THBS2: variants seen among roughly 807,000 people sequenced by gnomAD.
THBS2 encodes thrombospondin-2.
THBS2 carries 47 observed loss-of-function variants against 135.2 expected under a neutral mutation model. The ratio of observed to expected loss-of-function variants is 0.35; its 90% confidence interval spans 0.28 to 0.44. The LOEUF is 0.44. THBS2 is among the 20% of genes least tolerant of loss of function. THBS2 has a pLI of 1.00. For synonymous variants in THBS2, 639 were observed against 633.8 expected, an observed-to-expected ratio of 1.01 and a Z score of -0.12; for missense variants, 1,288 against 1,603.1, an observed-to-expected ratio of 0.80 and a Z score of 3.36.
At chr6:169,243,052 ACCTTCCCAC>A (rs1780410670) in intron 4 of THBS2, among the ~76,000 whole-genome samples, 1 of 38,032 alleles carries the variant, frequency 2.6e-5, no homozygotes. Context: ...CCACCTTCCC[ACCTTCCCAC>A]CACTCCCACC....
chr6:169,252,919 G>A lies in THBS2; in HGVS notation c.-23+805C>T, dbSNP rs1483327780. 2.0e-5 allele frequency among the ~76,000 whole-genome samples: 3 copies of A among 152,170 alleles called. No individual in the cohort carries two copies. The highest frequency in any genetic ancestry group is 4.8e-5 in the African/African-American group (2 of 41,452). On this transcript the variant is annotated intron_variant, in intron 1 of 21. Coordinates refer to ENST00000617924, the MANE Select transcript of THBS2 (RefSeq NM_003247.5). The surrounding 1 kb of genome is among the most constrained non-coding windows in gnomAD (Gnocchi z 4.3). The stretch of plus-strand genomic sequence containing the variant: ...GCAGAGAGCTAATTGTTTACCGGCC[G>A]TCCACCACCAACAGCAGTCTGATTA...
At position 169,250,738 on chromosome 6, in the gene THBS2, G is replaced by T. The variant is rs142358231; in HGVS notation, c.47C>A (p.Thr16Lys). The T allele has an allele frequency of 4.3e-6, 7 of 1,613,362 alleles. No individual in the cohort carries two copies. The East Asian group carries it at 1.3e-4, about 31-fold the overall frequency. Reference protein sequence around the residue: ...VLLALWVWPSTQAGHQDKDTT... With the variant: ...VLLALWVWPSKQAGHQDKDTT... ...CAGGCTCTGAGGACACTCACCTTGC[G>T]TGCTGGGCCACACCCACAGAGCCAG... Residue 16 changes from threonine (T) to lysine (K), a missense_variant, in exon 2 of 22, where the codon ACG becomes AAG. Transcript: ENST00000617924.
intron 4 of THBS2, among the ~76,000 whole-genome samples, chr6:169,245,746 C>G (rs539798108): frequency 6.7e-6 from 1 of 148,888 alleles, no homozygotes; most frequent in East Asian, 2.0e-4. Context: ...GAGCCCAGAT[C>G]GCACCACTGC....
intron 13 of THBS2, 115 bp downstream of exon 13, chr6:169,231,865 A>G: frequency 3.2e-6 from 3 of 951,098 alleles, no homozygotes; most frequent in Non-Finnish European, 4.5e-6. Flanking sequence ...GGCCTGAGAG[A>G]CCCTCCTTCC....
intron 4 of THBS2, among the ~76,000 whole-genome samples, chr6:169,245,338 C>A (rs919317111): frequency 7.2e-5 from 11 of 152,200 alleles, no homozygotes; most frequent in Non-Finnish European, 1.5e-4. Context: ...ATGAACCTGT[C>A]ATAGTGACCT....
At chr6:169,240,791 T>C (rs1780262542) in intron 5 of THBS2, among the ~76,000 whole-genome samples, 199 bp from the exon 6 acceptor site, 1 of 152,166 alleles carries the variant, frequency 6.6e-6, no homozygotes, top group South Asian at 2.1e-4. Context: ...CGTCACTGCC[T>C]GGGCTTCTGG....
intron 19 of THBS2, 57 bp downstream of exon 19, chr6:169,222,140 C>T: frequency 1.3e-6 from 2 of 1,525,992 alleles, no homozygotes; most frequent in Non-Finnish European, 1.8e-6. Context: ...CCTGCTGAAA[C>T]ACTCTGCAGC....
chr6:169,249,088 T>G, intron 2 of THBS2, 115 bp from the exon 3 acceptor site: 3 of 960,946 alleles, frequency 3.1e-6, no homozygotes, highest in Non-Finnish European at 3.0e-6. Context: ...GGCCTCCCAA[T>G]ATCCCGCAGC....
intron 4 of THBS2, among the ~76,000 whole-genome samples, chr6:169,243,260 T>C (rs1165308640): frequency 2.6e-5 from 4 of 151,880 alleles, no homozygotes; most frequent in African/African-American, 9.7e-5. Context: ...TCGTGGGACC[T>C]GGGTGGGTAT....
chr6:169,233,543 C>T (rs1779927473), intron 10 of THBS2, among the ~76,000 whole-genome samples: 2 of 151,426 alleles, frequency 1.3e-5, no homozygotes, highest in South Asian at 4.2e-4. Flanking sequence ...TGCACAACTA[C>T]CTATGCACCA....
In THBS2 at chr6:169,216,679, C is replaced by A. The variant is rs1779183835; in HGVS notation, c.*1143G>T. 1 of 150,690 alleles carries A rather than the reference C, an allele frequency of 6.6e-6. No individual in the cohort carries two copies. The highest frequency in any genetic ancestry group is 6.6e-5 in the Admixed American group (1 of 15,218). The allele number at this position is 150,690 out of a possible 1,614,324, so 9.3% of individuals were successfully genotyped here. A position where few individuals can be genotyped will look rare whatever the true frequency, so the allele number is the denominator to read the frequency against. On this transcript the variant is annotated 3_prime_UTR_variant, in exon 22 of 22. Transcript: ENST00000617924. The stretch of plus-strand genomic sequence containing the variant: ...CTTCTAGCATGCTTCATCGTGACAA[C>A]CTAATATTATCAAGCCTCATATTTT...
chr6:169,242,993 G>C (rs111210898), intron 4 of THBS2, among the ~76,000 whole-genome samples: 2,471 of 7,600 alleles, frequency 0.33, 3 homozygotes, highest in Middle Eastern at 0.38. Context: ...TCCCACATTC[G>C]CACCTTCCCA....
At chr6:169,233,405 C>A (rs1208916612) in intron 10 of THBS2, among the ~76,000 whole-genome samples, 2 of 151,752 alleles carry the variant, frequency 1.3e-5, no homozygotes, top group South Asian at 2.1e-4. Context: ...CACGTGCCAC[C>A]TTCCACACTA....
chr6:169,228,831 A>G (rs550422555), intron 14 of THBS2, among the ~76,000 whole-genome samples: 221 of 151,652 alleles, frequency 1.5e-3, no homozygotes, highest in African/African-American at 5.3e-3. Context: ...GACTGAGGCA[A>G]GAGAATCGCT....
Position 169,237,740 on chromosome 6 carries a change from C to T in THBS2, c.1185G>A (p.Val395=). ...TCTGCTGGGTCCCAGAGCCACACGTCACGGAGCACTGGGTCCACTCTGCCC... is the reference window on the plus strand; with the variant it reads ...TCTGCTGGGTCCCAGAGCCACACGTTACGGAGCACTGGGTCCACTCTGCCC... The part of the protein sequence containing the change: ...SPWAEWTQCS[V]TCGSGTQQRG... The change falls in exon 8 of 22, where the codon GTG becomes GTA. Residue 395 remains valine (V), a synonymous_variant. Coordinates refer to ENST00000617924, the MANE Select transcript of THBS2 (RefSeq NM_003247.5). 6.2e-7 allele frequency: 1 copy of T among 1,612,472 alleles called. No individual in the cohort carries two copies. The highest frequency in any genetic ancestry group is 8.5e-7 in the Non-Finnish European group (1 of 1,179,986).
Position 169,233,033 on chromosome 6 carries a change from C to A in THBS2, c.1652-16G>T, listed in dbSNP as rs1028049293. On this transcript the variant is annotated splice_polypyrimidine_tract_variant and intron_variant, in intron 10 of 21. Transcript: ENST00000617924. ...AAACAGCCATCTGGGTGGGAGAAGG[C>A]GGAGCAGAGTTCACCACGCGCCCTG... 6.5e-7 allele frequency: 1 copy of A among 1,527,770 alleles called. No individual in the cohort carries two copies. Among genetic ancestry groups the A allele is most frequent in the South Asian group, 1.2e-5 (1 of 82,420 alleles). 94.6% of individuals were successfully genotyped at this position (1,527,770 alleles called of 1,614,324 possible).
intron 4 of THBS2, among the ~76,000 whole-genome samples, chr6:169,245,761 C>T (rs1391178530): frequency 6.9e-6 from 1 of 145,042 alleles, no homozygotes; most frequent in African/African-American, 2.6e-5. Flanking sequence ...CACTGCACTC[C>T]AGCCTGGGTG....
rs537251356 is a variant in THBS2, at chr6:169,253,344, C to T, written c.-23+380G>A. ...TATTCCGGGAGTTGTTTCTAATTCTCTCCTCAATAACAAACTCTCATGTGG... is the reference window on the plus strand; with the variant it reads ...TATTCCGGGAGTTGTTTCTAATTCTTTCCTCAATAACAAACTCTCATGTGG... On this transcript the variant is annotated intron_variant, in intron 1 of 21. Coordinates refer to ENST00000617924, the MANE Select transcript of THBS2 (RefSeq NM_003247.5). Among the ~76,000 whole-genome samples the T allele has an allele frequency of 1.5e-3, 222 of 152,298 alleles. 2 individuals carry two copies. Among genetic ancestry groups the T allele is most frequent in the Admixed American group, 2.4e-3 (36 of 15,302 alleles).
At chr6:169,226,625 T>C (rs879387299) in intron 15 of THBS2, among the ~76,000 whole-genome samples, 2 of 152,170 alleles carry the variant, frequency 1.3e-5, no homozygotes, top group Non-Finnish European at 2.9e-5. Flanking sequence ...TTCTCCCTAA[T>C]ACCCACTTGG....
Sources: gnomAD v4.1 joint callset for allele counts (sites outside exome capture counted in the v4.1 genomes callset) on GRCh38, gnomAD v4.1.1 for gene constraint, Gnocchi (gnomAD v3.1) non-coding constraint, MANE v1.5 for transcripts, NCBI Gene and HGNC (gene_info 2026-07-23, HGNC 2026-07-21) for gene names.